Variants in FAM13A observed in about 807,000 individuals in gnomAD.
The protein encoded by FAM13A is protein FAM13A.
Under a neutral mutation model 129.6 loss-of-function variants are expected in FAM13A, and 76 were observed. That is an observed-to-expected ratio of 0.59 (90% CI 0.49 to 0.71). The LOEUF is 0.71. FAM13A is among the 30% of genes least tolerant of loss of function. FAM13A has a pLI of 0.00. For synonymous variants in FAM13A, 443 were observed against 449.9 expected (o/e 0.98, Z 0.20); for missense variants, 1,108 against 1,249.3 (o/e 0.89, Z 1.70).
chr4:88,878,024 C>T (rs1023634448), intron 6 of FAM13A, among the ~76,000 whole-genome samples: 2 of 152,056 alleles, frequency 1.3e-5, no homozygotes, highest in Non-Finnish European at 2.9e-5. Flanking sequence ...CGCGGTGGCT[C>T]ACGCCTGTAA....
At chr4:88,981,994 G>A (rs1290102627) in intron 4 of FAM13A, among the ~76,000 whole-genome samples, 1 of 152,206 alleles carries the variant, frequency 6.6e-6, no homozygotes, top group Non-Finnish European at 1.5e-5. Flanking sequence ...CAGGTGGCTT[G>A]TTGACCCAGC....
intron 4 of FAM13A, among the ~76,000 whole-genome samples, chr4:88,958,564 G>A (rs1758128444): frequency 6.6e-6 from 1 of 152,218 alleles, no homozygotes; most frequent in South Asian, 2.1e-4. Context: ...GAATACAAGA[G>A]TTAAGGAGGT....
At chr4:88,842,399 GC>G (rs1735991768) in intron 7 of FAM13A, among the ~76,000 whole-genome samples, 1 of 152,228 alleles carries the variant, frequency 6.6e-6, no homozygotes, top group Non-Finnish European at 1.5e-5. Context: ...AGGAAGGCAG[GC>G]TTAGCCAGAT....
In FAM13A at chr4:88,869,274, A is replaced by C. The variant is rs1740959415; in HGVS notation, c.844-18091T>G. On this transcript the variant is annotated intron_variant, in intron 6 of 23. Coordinates refer to ENST00000264344, the MANE Select transcript of FAM13A (RefSeq NM_014883.4). ...AGCCAGATTTATATTTTTAAGCAGA[A>C]ATTTAATTACAGTTGTCCCTGTTTA... Among the ~76,000 whole-genome samples, 2 of 152,198 alleles carry C rather than the reference A, an allele frequency of 1.3e-5. 1 individual carries two copies. The highest frequency in any genetic ancestry group is 4.8e-5 in the African/African-American group (2 of 41,440).
intron 10 of FAM13A, among the ~76,000 whole-genome samples, chr4:88,783,531 G>A (rs945959022): frequency 1.3e-5 from 2 of 152,022 alleles, no homozygotes; most frequent in Non-Finnish European, 2.9e-5. Context: ...ACTCCTGCCC[G>A]CCTTGGCCTC....
intron 8 of FAM13A, among the ~76,000 whole-genome samples, chr4:88,797,108 T>G (rs1726351917): frequency 6.6e-6 from 1 of 152,122 alleles, no homozygotes; most frequent in African/African-American, 2.4e-5. Context: ...TATAATCAGA[T>G]CTCTAGGTCC....
At position 88,917,304 on chromosome 4, in the gene FAM13A, C is replaced by T. The variant is rs528326539; in HGVS notation, c.760-10842G>A. Among the ~76,000 whole-genome samples the T allele has an allele frequency of 5.1e-4, 78 of 152,172 alleles. 1 individual carries two copies. Among genetic ancestry groups the T allele is most frequent in the African/African-American group, 1.8e-3 (75 of 41,518 alleles). ...GAGGTGCCAGGCTCTTTTTAATAAC[C>T]AGCTCTTGCAGAAACTAATACAGGG... On this transcript the variant is annotated intron_variant, in intron 5 of 23. Coordinates refer to ENST00000264344, the MANE Select transcript of FAM13A (RefSeq NM_014883.4).
At chr4:88,756,944 G>T (rs958381720) in intron 14 of FAM13A, among the ~76,000 whole-genome samples, 13 of 151,852 alleles carry the variant, frequency 8.6e-5, no homozygotes, top group Non-Finnish European at 1.5e-4. Context: ...CGCAGTAATG[G>T]CAAAACAAAA....
At chr4:88,797,273 G>GGT (rs1726402238) in intron 8 of FAM13A, among the ~76,000 whole-genome samples, 1 of 143,124 alleles carries the variant, frequency 7.0e-6, no homozygotes, top group African/African-American at 2.6e-5. Flanking sequence ...AGTTTTGTGG[G>GGT]TTTTTTTTTT....
At chr4:88,823,009 G>C in intron 7 of FAM13A, 1 of 1,613,576 alleles carries the variant, frequency 6.2e-7, no homozygotes, top group Non-Finnish European at 8.5e-7. Context: ...AGCCATTCTC[G>C]TATGTAAATT....
chr4:88,850,878 A>G, intron 7 of FAM13A, 142 bp downstream of exon 7: 1 of 661,012 alleles, frequency 1.5e-6, no homozygotes, highest in South Asian at 2.8e-5. Context: ...CTCAAAACAT[A>G]GAGTGAATTT....
At chr4:88,838,318 T>C (rs917150060) in intron 7 of FAM13A, among the ~76,000 whole-genome samples, 2 of 152,198 alleles carry the variant, frequency 1.3e-5, no homozygotes, top group African/African-American at 4.8e-5. Flanking sequence ...TATTAAGCAC[T>C]GAATATGGAA....
chr4:89,019,935 C>A, intron 3 of FAM13A, among the ~76,000 whole-genome samples: 1 of 152,106 alleles, frequency 6.6e-6, no homozygotes, highest in Non-Finnish European at 1.5e-5. Flanking sequence ...TAAGCAACCA[C>A]AATTTAATGA....
chr4:88,996,038 A>G (rs1763497085), intron 3 of FAM13A, among the ~76,000 whole-genome samples: 1 of 152,172 alleles, frequency 6.6e-6, no homozygotes, highest in African/African-American at 2.4e-5. Flanking sequence ...GCTGAAATAA[A>G]TAAGGAAGTG....
At chr4:88,996,221 T>G (rs1464597248) in intron 3 of FAM13A, among the ~76,000 whole-genome samples, 1 of 152,188 alleles carries the variant, frequency 6.6e-6, no homozygotes, top group African/African-American at 2.4e-5. Context: ...CTATGGTCTT[T>G]TCTTGTTTTG....
In FAM13A at chr4:89,045,771, C is replaced by T. The variant is rs550828654; in HGVS notation, c.27+11167G>A. On this transcript the variant is annotated intron_variant, in intron 1 of 23. Transcript: ENST00000264344. ...GGGCGTGGTGGCTCATGCCTGTAATCCTAGCACTTTGGGAGGCCAAAGCGG... is the reference window on the plus strand; with the variant it reads ...GGGCGTGGTGGCTCATGCCTGTAATTCTAGCACTTTGGGAGGCCAAAGCGG... Among the ~76,000 whole-genome samples the T allele has an allele frequency of 5.9e-5, 9 of 152,160 alleles. No individual in the cohort carries two copies. The South Asian group carries it at 1.4e-3, about 25-fold the overall frequency.
In FAM13A at chr4:88,852,312, C is replaced by T. The variant is rs144947816; in HGVS notation, c.844-1129G>A. Among the ~76,000 whole-genome samples the T allele has an allele frequency of 4.3e-4, 65 of 152,212 alleles. 1 individual carries two copies. The East Asian group carries it at 0.013, about 29-fold the overall frequency. On this transcript the variant is annotated intron_variant, in intron 6 of 23. Transcript: ENST00000264344. Reference sequence around the variant, plus strand: ...GAGTAGGTGGGATTACAGGCATGCACCAACAAGTCAGGGTAATTTTTGTAT... The same window carrying T: ...GAGTAGGTGGGATTACAGGCATGCATCAACAAGTCAGGGTAATTTTTGTAT...
At chr4:89,024,342 G>A (rs921678288) in intron 2 of FAM13A, among the ~76,000 whole-genome samples, 1 of 151,982 alleles carries the variant, frequency 6.6e-6, no homozygotes, top group African/African-American at 2.4e-5. Flanking sequence ...GAAAGAAGCC[G>A]TTAACATTGT....
chr4:88,956,034 A>T (rs1373163064), intron 4 of FAM13A, among the ~76,000 whole-genome samples: 3 of 152,220 alleles, frequency 2.0e-5, no homozygotes, highest in African/African-American at 4.8e-5. Context: ...AGTTAAGGTT[A>T]ATTTATTATG....
Sources: allele counts gnomAD v4.1 joint callset (sites outside exome capture counted in the v4.1 genomes callset), GRCh38; gene constraint gnomAD v4.1.1; transcripts MANE v1.5; gene names NCBI Gene and HGNC (gene_info 2026-07-23, HGNC 2026-07-21).